Variants in AMOTL1 observed in about 807,000 individuals in gnomAD.
AMOTL1 encodes the protein angiomotin like 1.
AMOTL1 carries 45 observed loss-of-function variants against 102.9 expected under a neutral mutation model. The ratio of observed to expected loss-of-function variants is 0.44; its 90% CI spans 0.34 to 0.56. The LOEUF is 0.56. Among genes scored for constraint, AMOTL1 ranks in the 20% least tolerant of loss-of-function variants. The probability of loss-of-function intolerance (pLI) is 0.01; values close to 1 mark genes in which losing one functional copy is unlikely to be tolerated. For synonymous variants in AMOTL1, 481 were observed against 484.7 expected, an observed-to-expected ratio of 0.99 and a Z score of 0.10; for missense variants, 1,114 against 1,225.6, an observed-to-expected ratio of 0.91 and a Z score of 1.36.
chr11:94,864,602 T>G, intron 9 of AMOTL1, 133 bp from the exon 10 acceptor site: 3 of 1,272,936 alleles, frequency 2.4e-6, no homozygotes, highest in Non-Finnish European at 3.2e-6. Context: ...GGGAAAGGCT[T>G]CATGAGCCAA....
In AMOTL1 at chr11:94,738,991, T is replaced by C. The variant is rs1950478876; in HGVS notation, c.86-1947T>C. Among the ~76,000 whole-genome samples the C allele has an allele frequency of 3.3e-5, 5 of 152,086 alleles. No individual in the cohort carries two copies. The South Asian group carries it at 6.2e-4, about 19-fold the overall frequency. ...AGAGATCAGAGTGTGACTATGTAGA[T>C]GGAGAAAAATAAGAATAATCACAGG... On this transcript the variant is annotated intron_variant, in intron 2 of 4. Coordinates refer to the AMOTL1 transcript ENST00000299004.
intron 3 of AMOTL1, among the ~76,000 whole-genome samples, chr11:94,813,695 A>G (rs2135602600): frequency 6.6e-6 from 1 of 152,304 alleles, no homozygotes. Flanking sequence ...CATGTGTACA[A>G]GGAAGTCCAA....
At chr11:94,804,531 G>A (rs559594675) in intron 3 of AMOTL1, among the ~76,000 whole-genome samples, 193 of 152,276 alleles carry the variant, frequency 1.3e-3, no homozygotes, top group African/African-American at 4.3e-3. Flanking sequence ...GGCTCAAGCA[G>A]TCTACTCACC....
intron 2 of AMOTL1, among the ~76,000 whole-genome samples, chr11:94,796,661 TTGTAACTGTTATAAA>T (rs1951372489): frequency 6.6e-6 from 1 of 152,118 alleles, no homozygotes; most frequent in Admixed American, 6.5e-5. Flanking sequence ...TGGTTGTGAT[TTGTAACTGTTATAAA>T]TGTGAAATTT....
chr11:94,820,880 A>G (rs1239741388), intron 3 of AMOTL1, among the ~76,000 whole-genome samples: 1 of 152,226 alleles, frequency 6.6e-6, no homozygotes, highest in African/African-American at 2.4e-5. Context: ...CTGATCTGAC[A>G]GAAGATAGAG....
At chr11:94,727,528 A>G (rs1459968158) in intron 1 of AMOTL1, among the ~76,000 whole-genome samples, 2 of 152,132 alleles carry the variant, frequency 1.3e-5, no homozygotes, top group South Asian at 2.1e-4. Context: ...ATCCACTGAC[A>G]TGGGTGGATA....
At chr11:94,860,017 T>C (rs1483614034) in intron 9 of AMOTL1, among the ~76,000 whole-genome samples, 1 of 152,202 alleles carries the variant, frequency 6.6e-6, no homozygotes, top group Non-Finnish European at 1.5e-5. Flanking sequence ...GTTGAAAATA[T>C]CAATACATTT....
rs954731910 is a variant in AMOTL1, at chr11:94,874,538, A to C, written c.*3743A>C. On this transcript the variant is annotated 3_prime_UTR_variant, in exon 13 of 13. Transcript: ENST00000433060. ...GATACCAAAACAGTTGCAACAAATT[A>C]GTTCTGAACCTGGAACAGAGAATTC... 1 of 152,220 alleles carries C rather than the reference A, an allele frequency of 6.6e-6. No individual in the cohort carries two copies. The highest frequency in any genetic ancestry group is 2.4e-5 in the African/African-American group (1 of 41,454). The allele number at this position is 152,220 out of a possible 1,614,324, so 9.4% of individuals were successfully genotyped here. A position where few individuals can be genotyped will look rare whatever the true frequency, so the allele number is the denominator to read the frequency against.
At chr11:94,859,403 T>C (rs1041224172) in intron 8 of AMOTL1, 122 bp from the exon 9 acceptor site, 9 of 934,218 alleles carry the variant, frequency 9.6e-6, no homozygotes, top group African/African-American at 1.7e-5. Context: ...AATTTGGAGG[T>C]GAAGTAGCAT....
Position 94,768,564 on chromosome 11 carries a change from A to G in AMOTL1, c.49+4A>G. ...ACTTGTGAGCCTGCGGTGAAAGGTA[A>G]CCAGCCCCCACTCGAGGTGCCGGGA... is the stretch of plus-strand genomic sequence containing the variant. On this transcript the variant is annotated splice_donor_region_variant and intron_variant, in intron 1 of 12. Coordinates refer to ENST00000433060, the MANE Select transcript of AMOTL1 (RefSeq NM_130847.3). 1 of 1,592,358 alleles carries G rather than the reference A, an allele frequency of 6.3e-7. No individual in the cohort carries two copies. Among genetic ancestry groups the G allele is most frequent in the South Asian group, 1.1e-5 (1 of 87,100 alleles).
intron 3 of AMOTL1, among the ~76,000 whole-genome samples, chr11:94,761,257 C>T (rs1373986144): frequency 1.3e-5 from 2 of 150,098 alleles, no homozygotes; most frequent in African/African-American, 4.9e-5. Context: ...GGCGTGATCT[C>T]GGCTCACTGC....
Position 94,760,900 on chromosome 11 carries a change from G to A in AMOTL1, c.136+19912G>A, listed in dbSNP as rs369633547. Among the ~76,000 whole-genome samples the A allele has an allele frequency of 1.9e-3, 284 of 152,216 alleles. 5 individuals are homozygous for A. Among genetic ancestry groups the A allele is most frequent in the African/African-American group, 6.4e-3 (266 of 41,534 alleles). On this transcript the variant is annotated intron_variant, in intron 3 of 4. Coordinates refer to the AMOTL1 transcript ENST00000299004. ...TGCAATGGTGCCATCCTAGCTCACT[G>A]TAACCTCAAACTCCACCACACCTGG...
rs1473984703 is a variant in AMOTL1 at position 94,871,782 on chromosome 11, C to A, written c.*987C>A. The A allele has an allele frequency of 6.6e-6, 1 of 152,106 alleles. No homozygotes were observed. The highest frequency in any genetic ancestry group is 1.5e-5 in the Non-Finnish European group (1 of 68,020). The allele number at this position is 152,106 out of a possible 1,614,324, so 9.4% of individuals were successfully genotyped here. On this transcript the variant is annotated 3_prime_UTR_variant, in exon 13 of 13. Coordinates refer to ENST00000433060, the MANE Select transcript of AMOTL1 (RefSeq NM_130847.3). ...AAGATCGTGGCACTTGCTTTTTTGT[C>A]TTTCACATCGGCTGTCTTGCAAGGA...
chr11:94,725,509 C>A (rs1482605724), intron 1 of AMOTL1, among the ~76,000 whole-genome samples: 1 of 152,028 alleles, frequency 6.6e-6, no homozygotes, highest in Non-Finnish European at 1.5e-5. Flanking sequence ...ATGTTAGGGT[C>A]AAATAAAAAT....
chr11:94,795,956 A>G (rs1951358532), intron 2 of AMOTL1, among the ~76,000 whole-genome samples: 1 of 152,214 alleles, frequency 6.6e-6, no homozygotes, highest in Non-Finnish European at 1.5e-5. Context: ...CCAATGCCTG[A>G]ACTATAACAC....
chr11:94,784,575 G>A (rs1487354530), intron 1 of AMOTL1, among the ~76,000 whole-genome samples: 1 of 152,102 alleles, frequency 6.6e-6, no homozygotes, highest in Non-Finnish European at 1.5e-5. Flanking sequence ...AGGAATTATT[G>A]CAGGTTGGTT....
intron 8 of AMOTL1, 67 bp downstream of exon 8, chr11:94,854,149 T>A: frequency 2.7e-6 from 4 of 1,454,766 alleles, no homozygotes; most frequent in Non-Finnish European, 3.6e-6. Flanking sequence ...ATGGATGTTC[T>A]ACCATGGGCC....
At chr11:94,708,278 A>T (rs1397203280) in intron 1 of AMOTL1, among the ~76,000 whole-genome samples, 1 of 152,134 alleles carries the variant, frequency 6.6e-6, no homozygotes, top group Non-Finnish European at 1.5e-5. Flanking sequence ...CTCTATTTGG[A>T]GTTTAGAAGC....
rs1036384029 is a variant in AMOTL1 at position 94,831,600 on chromosome 11, G to A, written c.1648+59G>A. 3.5e-6 allele frequency: 5 copies of A among 1,423,036 alleles called. No individual in the cohort carries two copies. The African/African-American group carries it at 5.7e-5, about 16-fold the overall frequency. The allele number at this position is 1,423,036 out of a possible 1,614,324, so 88.2% of individuals were successfully genotyped here. On this transcript the variant is annotated intron_variant, in intron 6 of 12. Coordinates refer to ENST00000433060, the MANE Select transcript of AMOTL1 (RefSeq NM_130847.3). ...GTTTGTTTAAAAACGGGGTCCTGAA[G>A]GAAGAATCATATTAGTTTCAAGTGG...
Sources: allele counts gnomAD v4.1 joint callset (sites outside exome capture counted in the v4.1 genomes callset), GRCh38; gene constraint gnomAD v4.1.1; transcripts MANE v1.5; gene names NCBI Gene and HGNC (gene_info 2026-07-23, HGNC 2026-07-21).